The following CAMK2N1 variants were observed in gnomAD, a reference collection of about 807,000 sequenced individuals.
CAMK2N1 encodes the protein calcium/calmodulin dependent protein kinase II inhibitor 1, also known as calcium/calmodulin-dependent protein kinase II inhibitor 1.
CAMK2N1 carries 2 observed loss-of-function variants against 6.4 expected under a neutral mutation model. The ratio of observed to expected loss-of-function variants is 0.31; its 90% CI spans 0.13 to 0.98. CAMK2N1 has a LOEUF of 0.98. CAMK2N1 is among the 50% of genes least tolerant of loss of function. CAMK2N1 has a pLI of 0.51. For missense variants in CAMK2N1, 77 were observed against 107.3 expected (o/e 0.72, Z 1.25); for synonymous variants, 42 against 47.5 (o/e 0.88, Z 0.47).
chr1:20,485,251 C>T lies in CAMK2N1; in HGVS notation c.129G>A (p.Arg43=), dbSNP rs1427769985. ...GGCCGATCTGGCCCAGCTTGGGCGGCCGCTTGTTCTGCCCGGCGCCGAAGA... is the reference window on the plus strand; with the variant it reads ...GGCCGATCTGGCCCAGCTTGGGCGGTCGCTTGTTCTGCCCGGCGCCGAAGA... ...NNFFGAGQNK[R]PPKLGQIGRS... is the part of the protein sequence containing the mutation. The change falls in exon 1 of 2, where the codon CGG becomes CGA. Residue 43 remains arginine, a synonymous_variant. Transcript: ENST00000375078. The surrounding 1 kb of genome is among the most constrained non-coding windows in gnomAD (Gnocchi z 8.4). 1.9e-6 allele frequency: 3 copies of T among 1,597,428 alleles called. No individual in the cohort carries two copies. The South Asian group carries it at 3.4e-5, about 18-fold the overall frequency.
rs920686582 is a variant in CAMK2N1, at chr1:20,484,156, A to G, written c.167-437T>C. 7.2e-5 allele frequency among the ~76,000 whole-genome samples: 11 copies of G among 152,168 alleles called. No individual in the cohort carries two copies. The highest frequency in any genetic ancestry group is 2.7e-4 in the African/African-American group (11 of 41,454). ...GTGGGCAAGGCTAGGTGCGGAGATG[A>G]GCGGAACCAGGAGGGGACGCCAAAA... On this transcript the variant is annotated intron_variant, in intron 1 of 1. Transcript: ENST00000375078. This position sits in a 1 kb window ranked among gnomAD's most constrained non-coding sequence, Gnocchi z 6.8.
At chr1:20,483,843 G>A (rs754126353) in intron 1 of CAMK2N1, 124 bp from the exon 2 acceptor site, 17 of 829,790 alleles carry the variant, frequency 2.0e-5, no homozygotes, top group Non-Finnish European at 3.5e-5. Flanking sequence ...AGGGCTCACT[G>A]CGCGGTGAAA....
rs1368876415 is a variant in CAMK2N1 at position 20,482,422 on chromosome 1, T to C, written c.*1227A>G. On this transcript the variant is annotated 3_prime_UTR_variant, in exon 2 of 2. Transcript: ENST00000375078. ...ACAGGAACAATTCTTTTATTGTACA[T>C]TGGAGAAATAGCCCTGTGTGCTGGT... 1 of 138,856 alleles carries C rather than the reference T, an allele frequency of 7.2e-6. No homozygotes were observed. The highest frequency in any genetic ancestry group is 2.8e-5 in the African/African-American group (1 of 36,318). The allele number at this position is 138,856 out of a possible 1,614,324, so 8.6% of individuals were successfully genotyped here.
rs547186569 is a variant in CAMK2N1 at position 20,483,463 on chromosome 1, T to TCTC, written c.*183_*185dup. 41 of 470,602 alleles carry TCTC rather than the reference T, an allele frequency of 8.7e-5. No individual in the cohort carries two copies. The highest frequency in any genetic ancestry group is 1.4e-4 in the South Asian group (3 of 21,580). The allele number at this position is 470,602 out of a possible 1,614,324, so 29.2% of individuals were successfully genotyped here. On this transcript the variant is annotated 3_prime_UTR_variant, in exon 2 of 2. Coordinates refer to ENST00000375078, the MANE Select transcript of CAMK2N1 (RefSeq NM_018584.6). ...ATTTTTGCAGAGGAGCCCAGAGCCT[T>TCTC]CTCCTCCTCCTCCTCCTCCTCTCGC... is the stretch of plus-strand genomic sequence containing the variant.
Position 20,483,701 on chromosome 1 carries a change from C to G in CAMK2N1, c.185G>C (p.Arg62Thr), listed in dbSNP as rs369148700. The change falls in exon 2 of 2, where the codon AGG becomes ACG. Residue 62 changes from arginine to threonine, a missense_variant. By Grantham distance (71) the Arg-to-Thr change is moderately conservative. Transcript: ENST00000375078. ...RSKRVVIEDD[R>T]IDDVLKNMTD... is the part of the protein sequence containing the mutation. ...CATATTTTTCAGCACGTCATCAATC[C>G]TATCATCTTCAATAACAACTGCAAA... 2 of 1,614,128 alleles carry G rather than the reference C, an allele frequency of 1.2e-6. No homozygotes were observed. The highest frequency in any genetic ancestry group is 1.7e-6 in the Non-Finnish European group (2 of 1,180,016).
At chr1:20,483,901 T>C (rs1438045055) in intron 1 of CAMK2N1, among the ~76,000 whole-genome samples, 182 bp from the exon 2 acceptor site, 1 of 152,088 alleles carries the variant, frequency 6.6e-6, no homozygotes, top group Non-Finnish European at 1.5e-5. Context: ...TGCTTTCCTC[T>C]GAACCACCCA....
At chr1:20,483,847 G>T in intron 1 of CAMK2N1, 128 bp from the exon 2 acceptor site, 3 of 782,288 alleles carry the variant, frequency 3.8e-6, no homozygotes, top group South Asian at 1.5e-5. Flanking sequence ...CTCACTGCGC[G>T]GTGAAACAGC....
In CAMK2N1 at chr1:20,485,883, G is replaced by A. The variant is rs2051509362; in HGVS notation, c.-504C>T. 6.7e-6 allele frequency: 1 copy of A among 149,512 alleles called. No homozygotes were observed. Among genetic ancestry groups the A allele is most frequent in the Non-Finnish European group, 1.5e-5 (1 of 66,898 alleles). The allele number at this position is 149,512 out of a possible 1,614,324, so 9.3% of individuals were successfully genotyped here. ...GGCGGAGGGGGAGGGGAGGGAGAGA[G>A]GAGGGAGGGCACCGGGGAGGAAACC... On this transcript the variant is annotated 5_prime_UTR_variant, in exon 1 of 2. Coordinates refer to ENST00000375078, the MANE Select transcript of CAMK2N1 (RefSeq NM_018584.6). The surrounding 1 kb of genome is among the most constrained non-coding windows in gnomAD (Gnocchi z 8.4).
rs2051504704 is a variant in CAMK2N1, at chr1:20,485,552, C to A, written c.-173G>T. The stretch of plus-strand genomic sequence containing the variant: ...ACGCCGCTAGGGCAAGAGCGCGGCA[C>A]TCGCGCGAGCGGCCCGGAGAGCGCC... On this transcript the variant is annotated 5_prime_UTR_variant, in exon 1 of 2. Transcript: ENST00000375078. This position sits in a 1 kb window ranked among gnomAD's most constrained non-coding sequence, Gnocchi z 8.4. 3.8e-6 allele frequency: 1 copy of A among 260,902 alleles called. No homozygotes were observed. The highest frequency in any genetic ancestry group is 5.9e-6 in the Non-Finnish European group (1 of 169,928). The allele number at this position is 260,902 out of a possible 1,614,324, so 16.2% of individuals were successfully genotyped here.
Position 20,482,911 on chromosome 1 carries a change from G to A in CAMK2N1, c.*738C>T, listed in dbSNP as rs573579975. The A allele has an allele frequency of 6.7e-6, 1 of 149,790 alleles. No homozygotes were observed. The highest frequency in any genetic ancestry group is 2.5e-5 in the African/African-American group (1 of 40,648). 9.3% of individuals were successfully genotyped at this position (149,790 alleles called of 1,614,324 possible). A position where few individuals can be genotyped will look rare whatever the true frequency, so the allele number is the denominator to read the frequency against. ...TGTGTGTTTTTCTGACATAAAAAATGTGTCCATTTGCATTAACTTGGGCAG... is the reference window on the plus strand; with the variant it reads ...TGTGTGTTTTTCTGACATAAAAAATATGTCCATTTGCATTAACTTGGGCAG... On this transcript the variant is annotated 3_prime_UTR_variant, in exon 2 of 2. Coordinates refer to ENST00000375078, the MANE Select transcript of CAMK2N1 (RefSeq NM_018584.6).
Position 20,483,730 on chromosome 1 carries a change from A to G in CAMK2N1, c.167-11T>C, listed in dbSNP as rs766238352. On this transcript the variant is annotated splice_polypyrimidine_tract_variant and intron_variant, in intron 1 of 1. Coordinates refer to ENST00000375078, the MANE Select transcript of CAMK2N1 (RefSeq NM_018584.6). Reference sequence around the variant, plus strand: ...CATCTTCAATAACAACTGCAAAAAAAGGGGGGAAAAGAGAGGTGAGCGCGC... The same window carrying G: ...CATCTTCAATAACAACTGCAAAAAAGGGGGGGAAAAGAGAGGTGAGCGCGC... 206 of 1,613,420 alleles carry G rather than the reference A, an allele frequency of 1.3e-4. No homozygotes were observed. The highest frequency in any genetic ancestry group is 1.6e-4 in the Non-Finnish European group (193 of 1,179,570).
Position 20,485,510 on chromosome 1 carries a change from C to T in CAMK2N1, c.-131G>A. ...CCGCGGGCTGCTGCGGCGGTGGCGC[C>T]GGCGAGAGGCCGGGGGACGCCGCTA... On this transcript the variant is annotated 5_prime_UTR_variant, in exon 1 of 2. Transcript: ENST00000375078. The surrounding 1 kb of genome is among the most constrained non-coding windows in gnomAD (Gnocchi z 8.4). 1.8e-6 allele frequency: 1 copy of T among 563,462 alleles called. No individual in the cohort carries two copies. Among genetic ancestry groups the T allele is most frequent in the Non-Finnish European group, 2.2e-6 (1 of 446,388 alleles). The allele number at this position is 563,462 out of a possible 1,614,324, so 34.9% of individuals were successfully genotyped here. A position where few individuals can be genotyped will look rare whatever the true frequency, so the allele number is the denominator to read the frequency against.
chr1:20,485,284 G>C lies in CAMK2N1; in HGVS notation c.96C>G (p.Thr32=). ...TCTGCCCGGCGCCGAAGAAGTTGTT[G>C]GTGTCCTGCAGGCGGCAGGAGAAGA... ...GQIFSCRLQD[T]NNFFGAGQNK... is the part of the protein sequence containing the mutation. The change falls in exon 1 of 2, where the codon ACC becomes ACG. Residue 32 remains threonine, a synonymous_variant. Coordinates refer to ENST00000375078, the MANE Select transcript of CAMK2N1 (RefSeq NM_018584.6). This position sits in a 1 kb window ranked among gnomAD's most constrained non-coding sequence, Gnocchi z 8.4. The C allele has an allele frequency of 1.9e-6, 3 of 1,599,164 alleles. No homozygotes were observed. The highest frequency in any genetic ancestry group is 2.6e-6 in the Non-Finnish European group (3 of 1,175,472).
At position 20,485,174 on chromosome 1, in the gene CAMK2N1, G is replaced by A; in HGVS notation, c.166+40C>T. 1 of 1,561,664 alleles carries A rather than the reference G, an allele frequency of 6.4e-7. No homozygotes were observed. Among genetic ancestry groups the A allele is most frequent in the Non-Finnish European group, 8.6e-7 (1 of 1,157,676 alleles). ...GCAACCCTTGTTCAGGCCGCGGCGC[G>A]GGAAAAAGGGGGTGTCAGACAAGGG... On this transcript the variant is annotated intron_variant, in intron 1 of 1. Transcript: ENST00000375078. The surrounding 1 kb of genome is among the most constrained non-coding windows in gnomAD (Gnocchi z 8.4).
Position 20,485,421 on chromosome 1 carries a change from C to T in CAMK2N1, c.-42G>A. ...TCCGCCGCGGCGCCTCCTCCGCCCG[C>T]GTCCCCGCCCGCGGCGGACAGGGTC... On this transcript the variant is annotated 5_prime_UTR_variant, in exon 1 of 2. Coordinates refer to ENST00000375078, the MANE Select transcript of CAMK2N1 (RefSeq NM_018584.6). The surrounding 1 kb of genome is among the most constrained non-coding windows in gnomAD (Gnocchi z 8.4). The T allele has an allele frequency of 1.6e-6, 2 of 1,246,160 alleles. No individual in the cohort carries two copies. Among genetic ancestry groups the T allele is most frequent in the South Asian group, 2.6e-5 (1 of 38,716 alleles). The allele number at this position is 1,246,160 out of a possible 1,614,324, so 77.2% of individuals were successfully genotyped here.
rs1170646692 is a variant in CAMK2N1 at position 20,483,403 on chromosome 1, A to C, written c.*246T>G. 1 of 235,392 alleles carries C rather than the reference A, an allele frequency of 4.2e-6. No homozygotes were observed. The highest frequency in any genetic ancestry group is 8.0e-6 in the Non-Finnish European group (1 of 125,252). 14.6% of individuals were successfully genotyped at this position (235,392 alleles called of 1,614,324 possible). The stretch of plus-strand genomic sequence containing the variant: ...TTATATGTGTATATAGTGAATTTTT[A>C]TTATTTTTAAAATTTTATTTATTTT... On this transcript the variant is annotated 3_prime_UTR_variant, in exon 2 of 2. Transcript: ENST00000375078.
chr1:20,483,801 T>TGGGAGGTCGGGAGAG (rs1553134161), intron 1 of CAMK2N1, 82 bp from the exon 2 acceptor site: 13 of 1,305,132 alleles, frequency 1.0e-5, no homozygotes, highest in Non-Finnish European at 1.3e-5. Context: ...ATGCCCAGAG[T>TGGGAGGTCGGGAGAG]GGGAGGTCGG....
chr1:20,482,528 G>A lies in CAMK2N1; in HGVS notation c.*1121C>T, dbSNP rs1460241615. 1 of 152,548 alleles carries A rather than the reference G, an allele frequency of 6.6e-6. No homozygotes were observed. The highest frequency in any genetic ancestry group is 1.5e-5 in the Non-Finnish European group (1 of 67,992). The allele number at this position is 152,548 out of a possible 1,614,324, so 9.4% of individuals were successfully genotyped here. ...GGGAAACCTCTTGAGGTCCAAAGTT[G>A]CAAACAAAAAATGGTAAAAGATTTC... On this transcript the variant is annotated 3_prime_UTR_variant, in exon 2 of 2. Transcript: ENST00000375078.
In CAMK2N1 at chr1:20,483,510, T is replaced by C; in HGVS notation, c.*139A>G. 1.4e-6 allele frequency: 1 copy of C among 728,482 alleles called. No homozygotes were observed. Among genetic ancestry groups the C allele is most frequent in the Non-Finnish European group, 2.4e-6 (1 of 411,772 alleles). The allele number at this position is 728,482 out of a possible 1,614,324, so 45.1% of individuals were successfully genotyped here. A position where few individuals can be genotyped will look rare whatever the true frequency, so the allele number is the denominator to read the frequency against. ...TCGCCTCATCTGTCTCCCGGCCTGA[T>C]ACCAGATACAGGTTGTTGATTTCAT... On this transcript the variant is annotated 3_prime_UTR_variant, in exon 2 of 2. Transcript: ENST00000375078.
Sources: allele counts gnomAD v4.1 joint callset (sites outside exome capture counted in the v4.1 genomes callset), GRCh38; gene constraint gnomAD v4.1.1; non-coding constraint Gnocchi (gnomAD v3.1); transcripts MANE v1.5; gene names NCBI Gene and HGNC (gene_info 2026-07-23, HGNC 2026-07-21).